The following KCNJ16 variants were observed in gnomAD, a reference collection of about 807,000 sequenced individuals.
KCNJ16 encodes the protein inward rectifier potassium channel 16.
KCNJ16 carries 15 observed loss-of-function variants against 18.5 expected under a neutral mutation model. That is an observed-to-expected ratio of 0.81 (90% confidence interval 0.54 to 1.25). The LOEUF is 1.25. KCNJ16 is among the 50% of genes most tolerant of loss of function. The probability of loss-of-function intolerance (pLI) is 0.00; values close to 1 mark genes in which losing one functional copy is unlikely to be tolerated. For missense variants in KCNJ16, 523 were observed against 525.7 expected (o/e 0.99, Z 0.05); for synonymous variants, 174 against 186.5 (o/e 0.93, Z 0.55).
rs1385839752 is a variant in KCNJ16, at chr17:70,082,703, T to C, written c.-300+7313T>C. Among the ~76,000 whole-genome samples, 5 of 152,314 alleles carry C rather than the reference T, an allele frequency of 3.3e-5. No individual in the cohort carries two copies. In the East Asian group the frequency reaches 7.7e-4, roughly 24 times the overall value. ...CATTGGTATTAACTTGCTGCCACTATCTTTATGGAGTAGGTGGCCAGAACG... is the reference window on the plus strand; with the variant it reads ...CATTGGTATTAACTTGCTGCCACTACCTTTATGGAGTAGGTGGCCAGAACG... On this transcript the variant is annotated intron_variant, in intron 1 of 3. Transcript: ENST00000392671.
chr17:70,119,058 A>G (rs1372940993), intron 2 of KCNJ16, among the ~76,000 whole-genome samples: 1 of 152,170 alleles, frequency 6.6e-6, no homozygotes, highest in Non-Finnish European at 1.5e-5. Context: ...GTCAAAATAA[A>G]AGCTCTACAG....
intron 1 of KCNJ16, among the ~76,000 whole-genome samples, chr17:70,096,289 G>A (rs1246261614): frequency 6.6e-6 from 1 of 152,010 alleles, no homozygotes; most frequent in Non-Finnish European, 1.5e-5. Context: ...CTACTTAGAG[G>A]TCATATGACA....
chr17:70,121,106 G>A (rs2073620487), intron 2 of KCNJ16, among the ~76,000 whole-genome samples: 1 of 152,132 alleles, frequency 6.6e-6, no homozygotes. Context: ...CCCCTTCTGG[G>A]ATATGAGTTA....
intron 1 of KCNJ16, among the ~76,000 whole-genome samples, chr17:70,091,877 G>C (rs753085799): frequency 1.3e-5 from 2 of 152,126 alleles, no homozygotes; most frequent in African/African-American, 4.8e-5. Context: ...ATCAGTCTAT[G>C]CAAGTAAATG....
chr17:70,092,529 GACA>G (rs2072145110), intron 1 of KCNJ16, among the ~76,000 whole-genome samples: 1 of 61,794 alleles, frequency 1.6e-5, no homozygotes, highest in African/African-American at 8.3e-5. Context: ...TAGATACATA[GACA>G]GATAGATATA....
chr17:70,077,530 C>G (rs2071366039), intron 1 of KCNJ16, among the ~76,000 whole-genome samples: 1 of 152,172 alleles, frequency 6.6e-6, no homozygotes, highest in South Asian at 2.1e-4. Context: ...ACACAAATCT[C>G]AACACAGAAG....
At chr17:70,090,104 T>C (rs1362393809) in intron 1 of KCNJ16, among the ~76,000 whole-genome samples, 1 of 152,218 alleles carries the variant, frequency 6.6e-6, no homozygotes, top group Non-Finnish European at 1.5e-5. Context: ...GCCAAAGTAA[T>C]TGTGCTGGTA....
chr17:70,078,953 A>G (rs999356103), intron 1 of KCNJ16, among the ~76,000 whole-genome samples: 4 of 152,166 alleles, frequency 2.6e-5, no homozygotes, highest in African/African-American at 9.7e-5. Flanking sequence ...ACGATTTTCC[A>G]CTGTCAGAAA....
chr17:70,087,966 G>A (rs1283106611), intron 1 of KCNJ16, among the ~76,000 whole-genome samples: 16 of 123,612 alleles, frequency 1.3e-4, no homozygotes, highest in African/African-American at 5.0e-4. Flanking sequence ...CAGTGAAGCC[G>A]AGATAGCGCC....
chr17:70,104,127 TA>T (rs2072802299), intron 2 of KCNJ16, among the ~76,000 whole-genome samples: 1 of 151,948 alleles, frequency 6.6e-6, no homozygotes, highest in Admixed American at 6.6e-5. Flanking sequence ...TGTGCCCAGC[TA>T]ATTTATTTTT....
intron 2 of KCNJ16, among the ~76,000 whole-genome samples, chr17:70,106,420 C>G (rs2072928979): frequency 6.6e-6 from 1 of 152,042 alleles, no homozygotes; most frequent in South Asian, 2.1e-4. Flanking sequence ...ACAAGGAGCA[C>G]AGAGTAAATG....
rs370494677 is a variant in KCNJ16, at chr17:70,091,944, G to A, written c.-299-8714G>A. Among the ~76,000 whole-genome samples the A allele has an allele frequency of 7.2e-5, 11 of 152,154 alleles. No individual in the cohort carries two copies. In the East Asian group the frequency reaches 1.9e-3, roughly 27 times the overall value. ...GAGAGCTGTAATTTATTGGGTTGGA[G>A]GGGGGTTGTGGTTATTTGCATTGTG... On this transcript the variant is annotated intron_variant, in intron 1 of 3. Transcript: ENST00000392671.
intron 1 of KCNJ16, among the ~76,000 whole-genome samples, chr17:70,076,873 G>A (rs1377684583): frequency 6.6e-6 from 1 of 152,132 alleles, no homozygotes; most frequent in African/African-American, 2.4e-5. Flanking sequence ...TGTTAAATTA[G>A]TAAAACCTAC....
intron 1 of KCNJ16, among the ~76,000 whole-genome samples, chr17:70,084,153 G>A (rs1255639539): frequency 6.6e-6 from 1 of 152,168 alleles, no homozygotes; most frequent in Non-Finnish European, 1.5e-5. Context: ...ACTTGTTGTG[G>A]AAAGAATATG....
chr17:70,085,468 A>T (rs1174683196), intron 1 of KCNJ16, among the ~76,000 whole-genome samples: 2 of 152,216 alleles, frequency 1.3e-5, no homozygotes, highest in Non-Finnish European at 2.9e-5. Flanking sequence ...TGGGCTTTTA[A>T]CCAGTAGTGT....
At position 70,132,479 on chromosome 17, in the gene KCNJ16, C is replaced by T; in HGVS notation, c.392C>T (p.Thr131Ile). ...TTGTTCTCCCTAGAGACCCAAACCA[C>T]CATAGGATATGGTTATCGCTGTGTT... ...AFLFSLETQT[T>I]IGYGYRCVTE... Residue 131 changes from threonine to isoleucine, a missense_variant, in exon 4 of 4, where the codon ACC (threonine) becomes ATC (isoleucine). Physicochemically the swap from Thr to Ile is moderately conservative, Grantham distance 89. Coordinates refer to ENST00000392671, the MANE Select transcript of KCNJ16 (RefSeq NM_170741.4). 1 of 1,614,138 alleles carries T rather than the reference C, an allele frequency of 6.2e-7. No individual in the cohort carries two copies. The highest frequency in any genetic ancestry group is 8.5e-7 in the Non-Finnish European group (1 of 1,180,030).
intron 2 of KCNJ16, among the ~76,000 whole-genome samples, chr17:70,113,524 ATT>A (rs1422638328): frequency 2.0e-5 from 3 of 152,170 alleles, no homozygotes. Flanking sequence ...TCATTGGTGT[ATT>A]TGGCTGAATG....
At chr17:70,112,540 T>C (rs1281341695) in intron 2 of KCNJ16, among the ~76,000 whole-genome samples, 1 of 152,126 alleles carries the variant, frequency 6.6e-6, no homozygotes, top group East Asian at 1.9e-4. Context: ...AGTATAATCC[T>C]TCCAGTTATG....
chr17:70,092,549 T>TG (rs1555585463), intron 1 of KCNJ16, among the ~76,000 whole-genome samples: 7,176 of 121,344 alleles, frequency 0.059, 299 homozygotes, highest in East Asian at 0.07. Context: ...TATAGATAGA[T>TG]ATAGATAGAT....
Sources: gnomAD v4.1 joint callset for allele counts (sites outside exome capture counted in the v4.1 genomes callset) on GRCh38, gnomAD v4.1.1 for gene constraint, MANE v1.5 for transcripts, NCBI Gene and HGNC (gene_info 2026-07-23, HGNC 2026-07-21) for gene names.